Variants in CHLSN observed in about 807,000 individuals in gnomAD.
The protein encoded by CHLSN is protein cholesin.
the CHLSN span, among the ~76,000 whole-genome samples, chr7:1,012,852 G>A: frequency 6.2e-4 from 94 of 152,326 alleles, 4 homozygotes; most frequent in East Asian, 0.018. Context: ...GCTCCACTCC[G>A]TGCCATCGGC....
the CHLSN span, among the ~76,000 whole-genome samples, chr7:1,117,451 G>T: frequency 6.7e-3 from 845 of 125,438 alleles, 46 homozygotes; most frequent in African/African-American, 0.03. Context: ...AGACGCCCAC[G>T]CAGGATGATG....
At chr7:1,023,502 G>A in the CHLSN span, among the ~76,000 whole-genome samples, 102 of 151,828 alleles carry the variant, frequency 6.7e-4, no homozygotes, top group African/African-American at 2.1e-3. This position sits in a 1 kb window ranked among gnomAD's most constrained non-coding sequence, Gnocchi z 5.0. Context: ...AGGGTCCCCC[G>A]CAGGCTCCTT....
chr7:1,106,753 T>A, the CHLSN span, among the ~76,000 whole-genome samples: 2 of 152,106 alleles, frequency 1.3e-5, no homozygotes, highest in South Asian at 4.1e-4. Context: ...CCGGAGGGAA[T>A]CCCTGGCTGT....
chr7:981,581 GCA>G, the CHLSN span, among the ~76,000 whole-genome samples: 79 of 152,168 alleles, frequency 5.2e-4, no homozygotes, highest in Non-Finnish European at 8.5e-4. Context: ...AGGTGTGGTG[GCA>G]TGTGCCTGTA....
chr7:1,074,573 C>T, the CHLSN span: 10,277 of 109,678 alleles, frequency 0.094, 668 homozygotes, highest in African/African-American at 0.24. Flanking sequence ...CAGGGCGGGG[C>T]GGGGGGCAAG....
chr7:1,127,477 C>G, the CHLSN span: 2,155 of 1,202,482 alleles, frequency 1.8e-3, 23 homozygotes, highest in African/African-American at 0.03. Context: ...GGGCACTCTC[C>G]CATTAAAAAA....
chr7:984,364 G>A, the CHLSN span: 1 of 1,536,560 alleles, frequency 6.5e-7, no homozygotes, highest in Non-Finnish European at 8.7e-7. Flanking sequence ...ACCTAAGGGG[G>A]GTCTTGTGGG....
the CHLSN span, among the ~76,000 whole-genome samples, chr7:1,048,628 C>G: frequency 6.6e-6 from 1 of 152,198 alleles, no homozygotes; most frequent in South Asian, 2.1e-4. Context: ...CACAGACATT[C>G]ATTATTAACA....
the CHLSN span, among the ~76,000 whole-genome samples, chr7:1,079,433 C>A: frequency 5.1e-4 from 77 of 152,328 alleles, no homozygotes; most frequent in African/African-American, 1.9e-3. Context: ...GAAAGACAAG[C>A]GCAGGTCTGG....
the CHLSN span, among the ~76,000 whole-genome samples, chr7:1,125,495 T>C: frequency 1.3e-5 from 2 of 152,244 alleles, no homozygotes; most frequent in Non-Finnish European, 2.9e-5. Flanking sequence ...ACCGGGCCCC[T>C]GCACAACTCA....
chr7:1,011,316 C>CACACGCCCAGACACCA, the CHLSN span, among the ~76,000 whole-genome samples: 1 of 149,818 alleles, frequency 6.7e-6, no homozygotes, highest in Non-Finnish European at 1.5e-5. Flanking sequence ...CCCAGACACC[C>CACACGCCCAGACACCA]CCACATGCCA....
At chr7:1,071,989 C>T in the CHLSN span, among the ~76,000 whole-genome samples, 3 of 152,300 alleles carry the variant, frequency 2.0e-5, no homozygotes, top group South Asian at 4.1e-4. Context: ...CAAGCAGCTC[C>T]GGGCAAGTGG....
At chr7:984,289 CCCT>C in the CHLSN span, 1 of 1,315,480 alleles carries the variant, frequency 7.6e-7, no homozygotes. Context: ...TAGGCGTGCC[CCCT>C]CCACCTGCCC....
chr7:1,134,808 C>A, the CHLSN span, among the ~76,000 whole-genome samples: 10 of 146,994 alleles, frequency 6.8e-5, no homozygotes, highest in Non-Finnish European at 1.0e-4. Context: ...ACCTGGGAGG[C>A]GGAGCTTGCA....
the CHLSN span, among the ~76,000 whole-genome samples, chr7:1,107,803 A>G: frequency 2.2e-4 from 31 of 142,004 alleles, no homozygotes; most frequent in South Asian, 1.2e-3. Context: ...GCACCCCTGG[A>G]GGAAGCAGAG....
the CHLSN span, chr7:1,058,783 G>A: frequency 1.4e-5 from 7 of 491,718 alleles, no homozygotes; most frequent in East Asian, 3.4e-5. Context: ...AAGCCTCCTC[G>A]CCTTCAGCCT....
At chr7:1,116,593 C>T in the CHLSN span, among the ~76,000 whole-genome samples, 1 of 88,390 alleles carries the variant, frequency 1.1e-5, no homozygotes, top group Non-Finnish European at 2.3e-5. Context: ...TTCTACGGAC[C>T]GGCTTCCATC....
the CHLSN span, among the ~76,000 whole-genome samples, chr7:1,012,414 C>T: frequency 3.9e-5 from 6 of 152,230 alleles, no homozygotes; most frequent in African/African-American, 9.6e-5. Flanking sequence ...GGGGCCAAGC[C>T]GGGGACCCGC....
At chr7:997,993 G>A in the CHLSN span, among the ~76,000 whole-genome samples, 1 of 152,224 alleles carries the variant, frequency 6.6e-6, no homozygotes, top group Non-Finnish European at 1.5e-5. Flanking sequence ...CCTGTTTAGA[G>A]GCAGACAAAA....
Sources: gnomAD v4.1 joint callset for allele counts (sites outside exome capture counted in the v4.1 genomes callset) on GRCh38, gnomAD v4.1.1 for gene constraint, Gnocchi (gnomAD v3.1) non-coding constraint, MANE v1.5 for transcripts, NCBI Gene and HGNC (gene_info 2026-07-23, HGNC 2026-07-21) for gene names.